The following SAMD3 variants were observed in gnomAD, a reference collection of about 807,000 sequenced individuals.
SAMD3 encodes sterile alpha motif domain-containing protein 3.
In SAMD3, 63 loss-of-function variants were observed where a neutral mutation model predicts 58.5. That is an observed-to-expected ratio of 1.08 (90% CI 0.88 to 1.33). The LOEUF (loss-of-function observed/expected upper bound fraction) is 1.33. SAMD3 is among the 40% of genes most tolerant of loss of function. SAMD3 has a pLI of 0.00. For missense variants in SAMD3, 604 were observed against 608.4 expected (o/e 0.99, Z 0.08); for synonymous variants, 220 against 210.3 (o/e 1.05, Z -0.40).
At chr6:130,278,126 T>C (rs1774849211) in intron 2 of SAMD3, among the ~76,000 whole-genome samples, 1 of 152,186 alleles carries the variant, frequency 6.6e-6, no homozygotes, top group Non-Finnish European at 1.5e-5. Context: ...CCCTGCACTT[T>C]ATGGATCACT....
chr6:130,233,890 C>A (rs1301119197), intron 2 of SAMD3, among the ~76,000 whole-genome samples: 1 of 152,194 alleles, frequency 6.6e-6, no homozygotes, highest in Non-Finnish European at 1.5e-5. Flanking sequence ...TTTTCATATA[C>A]TCTGCAACCT....
At chr6:130,240,756 C>T (rs1773327240) in intron 2 of SAMD3, among the ~76,000 whole-genome samples, 1 of 152,102 alleles carries the variant, frequency 6.6e-6, no homozygotes, top group Admixed American at 6.6e-5. Context: ...ACAGAGTCTG[C>T]CCCTCCCTTG....
exon 2 of SAMD3, chr6:130,312,989 C>T (rs1776233255): frequency 6.6e-6 from 1 of 152,298 alleles, no homozygotes; most frequent in South Asian, 2.1e-4. Context: ...CTGAGGATCA[C>T]CAGCTCTCAG....
intron 5 of SAMD3, among the ~76,000 whole-genome samples, chr6:130,203,031 C>T (rs1329623690): frequency 6.6e-6 from 1 of 152,178 alleles, no homozygotes; most frequent in Middle Eastern, 3.2e-3. Context: ...CAGCAACAAC[C>T]GACTGGTGTC....
chr6:130,247,576 C>T (rs1773593825), intron 2 of SAMD3, among the ~76,000 whole-genome samples: 1 of 151,822 alleles, frequency 6.6e-6, no homozygotes, highest in African/African-American at 2.4e-5. Context: ...TATTTAAAAT[C>T]GTGAATTTGT....
At chr6:130,307,848 A>G (rs1474863308) in intron 2 of SAMD3, among the ~76,000 whole-genome samples, 1 of 152,186 alleles carries the variant, frequency 6.6e-6, no homozygotes, top group Non-Finnish European at 1.5e-5. Flanking sequence ...ATAGAATTTG[A>G]GACAGTTGTT....
intron 2 of SAMD3, among the ~76,000 whole-genome samples, chr6:130,302,350 G>T (rs550121769): frequency 1.3e-5 from 2 of 152,138 alleles, no homozygotes; most frequent in African/African-American, 4.8e-5. Context: ...CTAATCATCA[G>T]AGAAATGCAA....
chr6:130,194,080 A>G (rs1793843125), intron 5 of SAMD3, among the ~76,000 whole-genome samples: 1 of 152,022 alleles, frequency 6.6e-6, no homozygotes, highest in Non-Finnish European at 1.5e-5. Flanking sequence ...TAATCTTTTT[A>G]TCACCACCCC....
At chr6:130,266,147 T>C (rs1012924028) in intron 2 of SAMD3, among the ~76,000 whole-genome samples, 1 of 152,166 alleles carries the variant, frequency 6.6e-6, no homozygotes, top group Non-Finnish European at 1.5e-5. Context: ...CAAGTAAATA[T>C]CGTGGTTTGA....
intron 2 of SAMD3, among the ~76,000 whole-genome samples, chr6:130,287,032 T>C (rs920261243): frequency 6.6e-6 from 1 of 152,184 alleles, no homozygotes; most frequent in Non-Finnish European, 1.5e-5. Flanking sequence ...TCAAAATCTC[T>C]CCTTCCCCTA....
intron 1 of SAMD3, among the ~76,000 whole-genome samples, chr6:130,330,752 T>G (rs1776908058): frequency 6.6e-6 from 1 of 152,204 alleles, no homozygotes; most frequent in Non-Finnish European, 1.5e-5. Flanking sequence ...TCTGATGAGC[T>G]GAGTGAGCAT....
intron 1 of SAMD3, among the ~76,000 whole-genome samples, chr6:130,321,011 C>T (rs1199464839): frequency 6.6e-6 from 1 of 152,220 alleles, no homozygotes; most frequent in Admixed American, 6.5e-5. Context: ...TCATTCTAGC[C>T]TCTCATCCAA....
At chr6:130,173,368 T>G (rs1219032752) in intron 8 of SAMD3, among the ~76,000 whole-genome samples, 1 of 152,248 alleles carries the variant, frequency 6.6e-6, no homozygotes, top group Non-Finnish European at 1.5e-5. Context: ...GATTTTTGTG[T>G]GGGAGTCCTT....
intron 8 of SAMD3, among the ~76,000 whole-genome samples, chr6:130,175,366 T>G (rs1390713830): frequency 6.6e-6 from 1 of 151,994 alleles, no homozygotes; most frequent in Non-Finnish European, 1.5e-5. Flanking sequence ...TGGGTTGGGG[T>G]GGAAAGGCTT....
intron 1 of SAMD3, among the ~76,000 whole-genome samples, chr6:130,350,285 C>A (rs1214742207): frequency 2.6e-5 from 4 of 152,044 alleles, no homozygotes; most frequent in South Asian, 2.1e-4. Context: ...TCAAATTGTC[C>A]CTGTTTGCAG....
chr6:130,269,368 A>T (rs1562490674), intron 2 of SAMD3, among the ~76,000 whole-genome samples: 2 of 152,174 alleles, frequency 1.3e-5, no homozygotes, highest in Non-Finnish European at 2.9e-5. Context: ...AGAGGGTTTT[A>T]AAAATATGAC....
chr6:130,334,333 A>G (rs1169959849), intron 1 of SAMD3, among the ~76,000 whole-genome samples: 1 of 152,132 alleles, frequency 6.6e-6, no homozygotes, highest in Non-Finnish European at 1.5e-5. Flanking sequence ...TAAAGAAAAA[A>G]CTTTTAAGGA....
intron 2 of SAMD3, among the ~76,000 whole-genome samples, chr6:130,284,811 A>G (rs1775100893): frequency 6.6e-6 from 1 of 152,210 alleles, no homozygotes; most frequent in Non-Finnish European, 1.5e-5. Context: ...TTCAAGTCAC[A>G]AGGAAGTAAT....
At chr6:130,357,024 G>A (rs769972203) in intron 1 of SAMD3, among the ~76,000 whole-genome samples, 5 of 151,808 alleles carry the variant, frequency 3.3e-5, no homozygotes, top group Non-Finnish European at 5.9e-5. Flanking sequence ...TGGGCACATA[G>A]GTCAAATCAT....
Sources: allele counts gnomAD v4.1 joint callset (sites outside exome capture counted in the v4.1 genomes callset), GRCh38; gene constraint gnomAD v4.1.1; transcripts MANE v1.5; gene names NCBI Gene and HGNC (gene_info 2026-07-23, HGNC 2026-07-21).